PDE4D: variants seen among roughly 807,000 people sequenced by gnomAD.
PDE4D encodes 3',5'-cyclic-AMP phosphodiesterase 4D.
In PDE4D, 24 loss-of-function variants were observed where a neutral mutation model predicts 87.4. The observed-to-expected ratio is 0.27, with a 90% CI of 0.20 to 0.39. PDE4D has a LOEUF of 0.39. Among genes scored for constraint, PDE4D ranks in the 10% least tolerant of loss-of-function variants. The pLI is 1.00. For synonymous variants in PDE4D, 384 were observed against 383.2 expected, an observed-to-expected ratio of 1.00 and a Z score of -0.02; for missense variants, 714 against 1,041.0, an observed-to-expected ratio of 0.69 and a Z score of 4.32.
At chr5:59,440,601 A>G (rs764801677) in intron 1 of PDE4D, among the ~76,000 whole-genome samples, 3 of 152,116 alleles carry the variant, frequency 2.0e-5, no homozygotes, top group Non-Finnish European at 2.9e-5. Context: ...ACATGGGGAA[A>G]CCCCATCTCT....
chr5:60,482,894 T>C (rs1288764718), intron 1 of PDE4D, among the ~76,000 whole-genome samples: 1 of 152,218 alleles, frequency 6.6e-6, no homozygotes, highest in Non-Finnish European at 1.5e-5. Context: ...ATAATTGTCC[T>C]AGCTGCAAAA....
intron 1 of PDE4D, among the ~76,000 whole-genome samples, chr5:59,331,070 A>G (rs1321546054): frequency 2.6e-5 from 4 of 152,030 alleles, no homozygotes; most frequent in Admixed American, 2.0e-4. Context: ...AGTAGTTGAT[A>G]GTGTCAACTA....
chr5:60,381,782 T>C (rs944415377), intron 1 of PDE4D, among the ~76,000 whole-genome samples: 15 of 152,164 alleles, frequency 9.9e-5, no homozygotes, highest in African/African-American at 3.6e-4. Context: ...ACAACTGGAA[T>C]CTGTGATGAA....
chr5:59,715,222 G>A (rs1181066416), intron 1 of PDE4D, among the ~76,000 whole-genome samples: 2 of 152,190 alleles, frequency 1.3e-5, no homozygotes, highest in East Asian at 1.9e-4. Flanking sequence ...AGCAAAGTGG[G>A]GCACCTACTT....
At chr5:59,449,167 T>C (rs1798779989) in intron 1 of PDE4D, among the ~76,000 whole-genome samples, 1 of 152,164 alleles carries the variant, frequency 6.6e-6, no homozygotes, top group African/African-American at 2.4e-5. Context: ...TCACCCAGAG[T>C]GTTCCAGCAT....
chr5:59,209,543 T>C (rs971617295), intron 2 of PDE4D, among the ~76,000 whole-genome samples: 28 of 152,330 alleles, frequency 1.8e-4, no homozygotes, highest in African/African-American at 6.7e-4. Flanking sequence ...ATTTTCAGAC[T>C]TTCTCAGTAC....
chr5:59,467,944 T>G (rs1376081804), intron 1 of PDE4D, among the ~76,000 whole-genome samples: 1 of 150,908 alleles, frequency 6.6e-6, no homozygotes, highest in African/African-American at 2.5e-5. Context: ...CACATGAAAT[T>G]AAATATTAAA....
intron 1 of PDE4D, among the ~76,000 whole-genome samples, chr5:60,322,950 T>C (rs1274062847): frequency 6.6e-6 from 1 of 152,276 alleles, no homozygotes; most frequent in Admixed American, 6.5e-5. Context: ...TTTATATTGC[T>C]GACCATCCGA....
At chr5:59,095,881 T>C (rs142896765) in intron 5 of PDE4D, among the ~76,000 whole-genome samples, 76 of 152,356 alleles carry the variant, frequency 5.0e-4, no homozygotes, top group African/African-American at 1.8e-3. Flanking sequence ...AGCTGCTAAA[T>C]AGGCTATCTC....
intron 1 of PDE4D, among the ~76,000 whole-genome samples, chr5:59,395,536 G>A (rs544943766): frequency 6.6e-6 from 1 of 151,832 alleles, no homozygotes; most frequent in East Asian, 1.9e-4. Flanking sequence ...CTGTTAGAAG[G>A]AAAACTAACA....
At chr5:60,488,759 A>G (rs1749350048), upstream of PDE4D, among the ~76,000 whole-genome samples, 1 of 152,118 alleles carries the variant, frequency 6.6e-6, no homozygotes, top group African/African-American at 2.4e-5. Context: ...GAGCACAATT[A>G]AAAGTTTTTC....
chr5:59,807,911 C>T (rs914199166), intron 1 of PDE4D, among the ~76,000 whole-genome samples: 3 of 152,140 alleles, frequency 2.0e-5, no homozygotes, highest in Non-Finnish European at 4.4e-5. Context: ...CCAAGACCTA[C>T]GGAGACAGAC....
chr5:60,016,971 C>T (rs1911945), intron 2 of PDE4D, among the ~76,000 whole-genome samples: 111,497 of 152,088 alleles, frequency 0.73, 41,388 homozygotes, highest in East Asian at 0.88. Context: ...ATAGCAGCTA[C>T]AGCTGTATGA....
chr5:59,350,231 T>C (rs1180989366), intron 1 of PDE4D, among the ~76,000 whole-genome samples: 1 of 152,136 alleles, frequency 6.6e-6, no homozygotes, highest in Admixed American at 6.6e-5. Flanking sequence ...CACTCTCCTG[T>C]CTGCAAGAAG....
intron 7 of PDE4D, among the ~76,000 whole-genome samples, 156 bp from the exon 8 acceptor site, chr5:58,992,160 AT>A (rs1445469660): frequency 6.6e-6 from 1 of 152,218 alleles, no homozygotes; most frequent in East Asian, 1.9e-4. Flanking sequence ...TTACATTTGA[AT>A]TGGACTTAAT....
chr5:60,231,790 T>A (rs1028595076), intron 1 of PDE4D, among the ~76,000 whole-genome samples: 2 of 152,004 alleles, frequency 1.3e-5, no homozygotes, highest in African/African-American at 4.8e-5. Flanking sequence ...GCTCCTAAGA[T>A]GTTGTCACCT....
intron 1 of PDE4D, among the ~76,000 whole-genome samples, chr5:60,384,764 CAG>C (rs1171349603): frequency 6.6e-6 from 1 of 152,198 alleles, no homozygotes; most frequent in Non-Finnish European, 1.5e-5. Context: ...TACTACTACT[CAG>C]GGGCTGATGC....
intron 11 of PDE4D, among the ~76,000 whole-genome samples, chr5:58,986,441 C>T (rs556406628): frequency 5.3e-4 from 62 of 117,322 alleles, no homozygotes; most frequent in African/African-American, 1.3e-3. Context: ...GGACCAATAT[C>T]GGTCCGTGGC....
At chr5:60,335,343 C>T (rs1009244694) in intron 1 of PDE4D, among the ~76,000 whole-genome samples, 1 of 152,120 alleles carries the variant, frequency 6.6e-6, no homozygotes, top group African/African-American at 2.4e-5. Context: ...TGAAAAATTA[C>T]AAAGGGTTGG....
Sources: allele counts gnomAD v4.1 joint callset (sites outside exome capture counted in the v4.1 genomes callset), GRCh38; gene constraint gnomAD v4.1.1; transcripts MANE v1.5; gene names NCBI Gene and HGNC (gene_info 2026-07-23, HGNC 2026-07-21).